PCDHA5: variants seen among roughly 807,000 people sequenced by gnomAD.
The protein encoded by PCDHA5 is protocadherin alpha-5.
A neutral mutation model predicts 61.6 loss-of-function variants in PCDHA5; 43 were observed. The ratio of observed to expected loss-of-function variants is 0.70; its 90% CI spans 0.55 to 0.90. The LOEUF (loss-of-function observed/expected upper bound fraction) is 0.90. PCDHA5 is among the 40% of genes least tolerant of loss of function. The pLI is 0.00. For synonymous variants in PCDHA5, 627 were observed against 543.9 expected, an observed-to-expected ratio of 1.15 and a Z score of -2.13; for missense variants, 1,298 against 1,222.7, an observed-to-expected ratio of 1.06 and a Z score of -0.92.
intron 1 of PCDHA5, chr5:140,860,925 G>A (rs2046658234): frequency 6.6e-6 from 1 of 152,286 alleles, no homozygotes; most frequent in Non-Finnish European, 1.5e-5. Context: ...TTTTAGTAGA[G>A]ACGAGGTTTC....
rs371246236 is a variant in PCDHA5 at position 140,876,855 on chromosome 5, A to G, written c.2352+52728A>G. ...CTGCGTTCGCGCAGCCCGAGTACACAGTGTTCGTGAAGGAGAACAACCCGC... is the reference window on the plus strand; with the variant it reads ...CTGCGTTCGCGCAGCCCGAGTACACGGTGTTCGTGAAGGAGAACAACCCGC... On this transcript the variant is annotated intron_variant, in intron 1 of 3. Coordinates refer to ENST00000529859, the MANE Select transcript of PCDHA5 (RefSeq NM_018908.3). The G allele has an allele frequency of 2.0e-4, 322 of 1,614,052 alleles. 4 individuals are homozygous for G. The East Asian group carries it at 3.4e-3, about 17-fold the overall frequency.
chr5:140,948,108 G>A (rs902891466), intron 1 of PCDHA5, among the ~76,000 whole-genome samples: 2 of 151,096 alleles, frequency 1.3e-5, no homozygotes, highest in Non-Finnish European at 3.0e-5. Context: ...ATTTTTCTTC[G>A]TTTTACTAAT....
chr5:140,841,710 C>A (rs2150321322), intron 1 of PCDHA5: 2 of 1,613,738 alleles, frequency 1.2e-6, no homozygotes, highest in African/African-American at 2.7e-5. Flanking sequence ...AATGACAACC[C>A]GCCAGTGTTC....
In PCDHA5 at chr5:140,849,698, C is replaced by G. The variant is rs2150445577; in HGVS notation, c.2352+25571C>G. 4 of 1,598,548 alleles carry G rather than the reference C, an allele frequency of 2.5e-6. No individual in the cohort carries two copies. In the South Asian group the frequency reaches 3.3e-5, roughly 13 times the overall value. The stretch of plus-strand genomic sequence containing the variant: ...TCCCCTTCAAGCTGGTGTCCACCTA[C>G]AAGAATTACTACTCGTTGGTGCTGG... On this transcript the variant is annotated intron_variant, in intron 1 of 3. Transcript: ENST00000529859.
chr5:140,957,597 A>G (rs1036559943), intron 1 of PCDHA5, among the ~76,000 whole-genome samples: 4 of 152,168 alleles, frequency 2.6e-5, no homozygotes, highest in Non-Finnish European at 5.9e-5. Context: ...ACTTCCCAGA[A>G]TAAACACACA....
chr5:140,960,417 A>G (rs1340642372), intron 1 of PCDHA5, among the ~76,000 whole-genome samples: 10 of 152,218 alleles, frequency 6.6e-5, no homozygotes, highest in African/African-American at 1.9e-4. Flanking sequence ...CAAAAAGTCA[A>G]CAATTACTTG....
intron 1 of PCDHA5, chr5:140,884,803 C>A: frequency 1.6e-6 from 2 of 1,225,132 alleles, no homozygotes; most frequent in Non-Finnish European, 2.2e-6. Context: ...AATTTAACAA[C>A]TCTGCTGTGG....
intron 1 of PCDHA5, among the ~76,000 whole-genome samples, chr5:140,879,121 G>C (rs148259888): frequency 6.6e-6 from 1 of 152,330 alleles, no homozygotes; most frequent in Non-Finnish European, 1.5e-5. Context: ...TGAAGGATTA[G>C]AGCAGGGGAG....
intron 1 of PCDHA5, among the ~76,000 whole-genome samples, chr5:140,905,999 G>T (rs781796509): frequency 1.3e-5 from 2 of 152,140 alleles, no homozygotes; most frequent in Non-Finnish European, 2.9e-5. Flanking sequence ...AGGCTGGGAG[G>T]CTAAGCCAGT....
chr5:140,939,710 T>A (rs1317905162), intron 1 of PCDHA5, among the ~76,000 whole-genome samples: 8 of 152,230 alleles, frequency 5.3e-5, no homozygotes, highest in Non-Finnish European at 1.2e-4. Context: ...ATTTGTGAGA[T>A]ACATTTATAT....
intron 3 of PCDHA5, among the ~76,000 whole-genome samples, chr5:140,985,476 T>C (rs1554247100): frequency 6.6e-6 from 1 of 152,162 alleles, no homozygotes; most frequent in Admixed American, 6.6e-5. Flanking sequence ...ATTTGGTTGT[T>C]TCCAGACTCA....
At chr5:140,828,569 G>C in intron 1 of PCDHA5, 1 of 1,614,252 alleles carries the variant, frequency 6.2e-7, no homozygotes, top group Non-Finnish European at 8.5e-7. Flanking sequence ...CGCGTCCGAT[G>C]CAGATGTTGG....
chr5:140,999,527 C>T (rs578180518), intron 3 of PCDHA5, among the ~76,000 whole-genome samples: 27 of 152,206 alleles, frequency 1.8e-4, no homozygotes, highest in African/African-American at 5.8e-4. Flanking sequence ...TTGTTACCCC[C>T]TGGATATGAC....
At chr5:140,993,777 G>A (rs1397168086) in intron 3 of PCDHA5, among the ~76,000 whole-genome samples, 1 of 152,042 alleles carries the variant, frequency 6.6e-6, no homozygotes, top group Non-Finnish European at 1.5e-5. Flanking sequence ...GCAGTATTTT[G>A]TACAGTAACA....
chr5:141,003,574 A>G (rs559561339), intron 3 of PCDHA5, among the ~76,000 whole-genome samples: 22 of 151,680 alleles, frequency 1.5e-4, no homozygotes, highest in Admixed American at 3.9e-4. Context: ...CAGACTCCCA[A>G]AGTGCTGGGA....
Position 140,852,497 on chromosome 5 carries a change from C to T in PCDHA5, c.2352+28370C>T, listed in dbSNP as rs1462166963. The T allele has an allele frequency of 3.2e-5, 8 of 251,770 alleles. 1 individual carries two copies. The South Asian group carries it at 6.1e-4, about 19-fold the overall frequency. 15.6% of individuals were successfully genotyped at this position (251,770 alleles called of 1,614,324 possible). ...TTCATCATGTTGGCCAGGTTGGTCT[C>T]GAACTCCTGACCTTGTGATGCTCCC... is the stretch of plus-strand genomic sequence containing the variant. On this transcript the variant is annotated intron_variant, in intron 1 of 3. Coordinates refer to ENST00000529859, the MANE Select transcript of PCDHA5 (RefSeq NM_018908.3).
intron 1 of PCDHA5, among the ~76,000 whole-genome samples, chr5:140,934,524 G>A (rs181182103): frequency 4.4e-4 from 67 of 152,192 alleles, no homozygotes; most frequent in Admixed American, 3.1e-3. Context: ...ACCACACTTC[G>A]AGAGCTACCG....
chr5:140,850,365 G>T (rs2150481125), intron 1 of PCDHA5: 4 of 1,597,962 alleles, frequency 2.5e-6, no homozygotes, highest in Middle Eastern at 1.7e-4. Flanking sequence ...CCCGTTCCGC[G>T]TGGGGCTGTA....
rs1554148728 is a variant in PCDHA5, at chr5:140,856,447, C to T, written c.2352+32320C>T. On this transcript the variant is annotated intron_variant, in intron 1 of 3. Transcript: ENST00000529859. ...TTAACGACAACCCGCCCAGGTTCTC[C>T]GTAACAGAACAAAAGCTCTCAATAC... 8 of 1,598,330 alleles carry T rather than the reference C, an allele frequency of 5.0e-6. 1 individual carries two copies. The highest frequency in any genetic ancestry group is 6.8e-6 in the Non-Finnish European group (8 of 1,167,884).
Sources: gnomAD v4.1 joint callset for allele counts (sites outside exome capture counted in the v4.1 genomes callset) on GRCh38, gnomAD v4.1.1 for gene constraint, MANE v1.5 for transcripts, NCBI Gene and HGNC (gene_info 2026-07-23, HGNC 2026-07-21) for gene names.